Variants in PDE11A observed in about 807,000 individuals in gnomAD.
PDE11A encodes dual 3',5'-cyclic-AMP and -GMP phosphodiesterase 11A.
In PDE11A, 100 loss-of-function variants were observed where a neutral mutation model predicts 100.5. The observed-to-expected ratio is 1.00, with a 90% CI of 0.85 to 1.18. PDE11A has a LOEUF of 1.18. Among genes scored for constraint, PDE11A ranks in the 50% most tolerant of loss-of-function variants. PDE11A has a pLI of 0.00. For missense variants in PDE11A, 1,141 were observed against 1,152.6 expected (o/e 0.99, Z 0.15); for synonymous variants, 381 against 420.8 (o/e 0.91, Z 1.16).
chr2:177,843,569 C>T (rs2083526470), intron 5 of PDE11A, among the ~76,000 whole-genome samples: 1 of 152,174 alleles, frequency 6.6e-6, no homozygotes, highest in Non-Finnish European at 1.5e-5. Context: ...GAAAAACTCA[C>T]TCTAAATCTA....
At chr2:177,816,566 C>T (rs1231043448) in intron 9 of PDE11A, among the ~76,000 whole-genome samples, 1 of 152,094 alleles carries the variant, frequency 6.6e-6, no homozygotes, top group Admixed American at 6.5e-5. Flanking sequence ...TGGATTGTCA[C>T]TATTTAATAA....
At chr2:177,690,639 C>T (rs1291567740) in intron 15 of PDE11A, among the ~76,000 whole-genome samples, 1 of 152,208 alleles carries the variant, frequency 6.6e-6, no homozygotes, top group Non-Finnish European at 1.5e-5. Context: ...TACTGCATCC[C>T]TTTCGAGAGA....
At chr2:178,033,930 C>T (rs1430258167) in intron 1 of PDE11A, among the ~76,000 whole-genome samples, 2 of 152,146 alleles carry the variant, frequency 1.3e-5, no homozygotes, top group African/African-American at 4.8e-5. Flanking sequence ...TGTTACCAGC[C>T]ACTGCAAAAA....
chr2:177,839,182 C>G (rs2083448898), intron 6 of PDE11A, among the ~76,000 whole-genome samples: 1 of 152,158 alleles, frequency 6.6e-6, no homozygotes, highest in African/African-American at 2.4e-5. Flanking sequence ...ATCACCATGT[C>G]CTGGCCACAG....
chr2:177,773,459 G>A (rs953437670), intron 9 of PDE11A, among the ~76,000 whole-genome samples: 7 of 152,138 alleles, frequency 4.6e-5, no homozygotes, highest in African/African-American at 1.4e-4. Context: ...AGACCTTAAC[G>A]AAATAAATAC....
chr2:177,666,012 C>G (rs367957815), intron 18 of PDE11A, among the ~76,000 whole-genome samples: 2 of 152,106 alleles, frequency 1.3e-5, no homozygotes, highest in South Asian at 2.1e-4. Context: ...GAGCAACTAT[C>G]ACTACAATTA....
chr2:178,030,282 T>C (rs2086528785), intron 1 of PDE11A, among the ~76,000 whole-genome samples: 1 of 152,070 alleles, frequency 6.6e-6, no homozygotes, highest in Non-Finnish European at 1.5e-5. Context: ...GCCAATAAAT[T>C]TGAAAAGTTA....
At chr2:177,996,985 C>G (rs975366678) in intron 2 of PDE11A, among the ~76,000 whole-genome samples, 1 of 152,172 alleles carries the variant, frequency 6.6e-6, no homozygotes, top group African/African-American at 2.4e-5. Flanking sequence ...ATATTGCAGA[C>G]GAAGCATCCA....
chr2:178,010,902 TC>T, intron 2 of PDE11A, among the ~76,000 whole-genome samples: 1 of 152,268 alleles, frequency 6.6e-6, no homozygotes, highest in East Asian at 1.9e-4. Context: ...AGAAATATAT[TC>T]CCCTTTTAAC....
intron 4 of PDE11A, among the ~76,000 whole-genome samples, chr2:177,885,869 T>C (rs2084422345): frequency 1.3e-5 from 2 of 152,158 alleles, no homozygotes; most frequent in Non-Finnish European, 2.9e-5. Flanking sequence ...CTAGCTAGCT[T>C]ATGCTTCACA....
At chr2:177,932,890 T>C (rs2085225377) in intron 2 of PDE11A, among the ~76,000 whole-genome samples, 1 of 151,790 alleles carries the variant, frequency 6.6e-6, no homozygotes, top group African/African-American at 2.4e-5. Context: ...CTCTTTTCGC[T>C]AATGATATGA....
intron 12 of PDE11A, among the ~76,000 whole-genome samples, chr2:177,725,850 C>A (rs541851920): frequency 2.0e-5 from 3 of 152,140 alleles, no homozygotes; most frequent in Non-Finnish European, 4.4e-5. Context: ...TTATAAAAAT[C>A]TGTCTCTGTC....
chr2:177,669,743 G>T (rs1330689518), intron 17 of PDE11A, among the ~76,000 whole-genome samples, 176 bp from the exon 18 acceptor site: 1 of 152,212 alleles, frequency 6.6e-6, no homozygotes, highest in Non-Finnish European at 1.5e-5. Flanking sequence ...TAATGAAACT[G>T]ATTTCCTTTT....
chr2:178,103,778 T>G (rs2087587100), intron 2 of PDE11A, among the ~76,000 whole-genome samples: 1 of 152,026 alleles, frequency 6.6e-6, no homozygotes. Flanking sequence ...GATAGATAGA[T>G]GTACACATAT....
intron 2 of PDE11A, among the ~76,000 whole-genome samples, chr2:177,918,601 C>A (rs2084989036): frequency 6.6e-6 from 1 of 151,810 alleles, no homozygotes; most frequent in African/African-American, 2.4e-5. Flanking sequence ...GGGGAAAAAC[C>A]CCGAAAATAT....
At chr2:177,880,845 T>G (rs2084320092) in intron 4 of PDE11A, among the ~76,000 whole-genome samples, 1 of 152,232 alleles carries the variant, frequency 6.6e-6, no homozygotes, top group Admixed American at 6.5e-5. Context: ...TATAAAGTAC[T>G]GGATAGCACA....
intron 2 of PDE11A, among the ~76,000 whole-genome samples, chr2:178,095,839 C>T (rs916498487): frequency 7.9e-5 from 12 of 152,230 alleles, no homozygotes; most frequent in African/African-American, 2.9e-4. Flanking sequence ...GGCTTGCACC[C>T]TCTGAAGCAA....
chr2:177,935,308 C>T (rs757190451), intron 2 of PDE11A, among the ~76,000 whole-genome samples: 1 of 152,066 alleles, frequency 6.6e-6, no homozygotes, highest in Non-Finnish European at 1.5e-5. Context: ...TCTCAGACTG[C>T]GAGGGGTCAG....
At chr2:177,997,913 A>C (rs1027364377) in intron 2 of PDE11A, 1 of 1,335,838 alleles carries the variant, frequency 7.5e-7, no homozygotes, top group African/African-American at 1.4e-5. Flanking sequence ...AACAATTTCA[A>C]TACCTCCAAC....
Sources: allele counts gnomAD v4.1 joint callset (sites outside exome capture counted in the v4.1 genomes callset), GRCh38; gene constraint gnomAD v4.1.1; transcripts MANE v1.5; gene names NCBI Gene and HGNC (gene_info 2026-07-23, HGNC 2026-07-21).